The following KCNC4 variants were observed in gnomAD, a reference collection of about 807,000 sequenced individuals.
KCNC4 encodes voltage-gated potassium channel KCNC4.
Under a neutral mutation model 42.8 loss-of-function variants are expected in KCNC4, and 23 were observed. The observed-to-expected ratio is 0.54, with a 90% CI of 0.39 to 0.76. The LOEUF is 0.76. Ranked by LOEUF, KCNC4 falls within the 30% of genes least tolerant of loss-of-function variation. The probability of loss-of-function intolerance (pLI) is 0.00; values close to 1 mark genes in which losing one functional copy is unlikely to be tolerated. For missense variants in KCNC4, 751 were observed against 898.2 expected (o/e 0.84, Z 2.10); for synonymous variants, 422 against 393.5 (o/e 1.07, Z -0.86).
chr1:110,263,493 C>T (rs1659488727), intron 1 of KCNC4, among the ~76,000 whole-genome samples: 1 of 152,050 alleles, frequency 6.6e-6, no homozygotes, highest in African/African-American at 2.4e-5. Flanking sequence ...TGGCATCCTT[C>T]AGCCAGAAAG....
downstream of KCNC4, among the ~76,000 whole-genome samples, chr1:110,283,693 C>T (rs1294509455): frequency 6.6e-6 from 1 of 152,194 alleles, no homozygotes; most frequent in Non-Finnish European, 1.5e-5. Context: ...GACTTGGGTA[C>T]TTCCCAGTCT....
chr1:110,260,348 C>T (rs1430198558), intron 1 of KCNC4, among the ~76,000 whole-genome samples: 1 of 152,120 alleles, frequency 6.6e-6, no homozygotes, highest in East Asian at 1.9e-4. Flanking sequence ...TGATCTTAGA[C>T]TAGATAGTGT....
At chr1:110,269,234 GAC>G (rs1659599762) in intron 1 of KCNC4, among the ~76,000 whole-genome samples, 1 of 151,944 alleles carries the variant, frequency 6.6e-6, no homozygotes, top group African/African-American at 2.4e-5. Context: ...CAAGATTTTT[GAC>G]AGACACGTCA....
exon 4 of KCNC4, chr1:110,240,500 A>G (rs553628816): frequency 6.6e-6 from 1 of 152,428 alleles, no homozygotes; most frequent in South Asian, 2.1e-4. Context: ...TGTTCATAGC[A>G]AACAAAGGAA....
chr1:110,279,944 C>G (rs148490347), intron 1 of KCNC4, among the ~76,000 whole-genome samples: 2 of 151,718 alleles, frequency 1.3e-5, no homozygotes, highest in Admixed American at 1.3e-4. Flanking sequence ...CCCGCCACTA[C>G]GCTCAGTTAA....
Position 110,210,458 on chromosome 1 carries a change from G to C in KCNC4, c.-1042G>C, listed in dbSNP as rs986000346. 6.6e-6 allele frequency among the ~76,000 whole-genome samples: 1 copy of C among 151,452 alleles called. No homozygotes were observed. Among genetic ancestry groups the C allele is most frequent in the Non-Finnish European group, 1.5e-5 (1 of 67,786 alleles). ...GCGAGCCAAGGCCGGCGCCCCGCCC[G>C]GAGATGGGCAGACGCGTAGATGGCG... On this transcript the variant is annotated 5_prime_UTR_variant, in exon 1 of 4. Coordinates refer to ENST00000438661, the MANE Select transcript of KCNC4 (RefSeq NM_001039574.3).
intron 1 of KCNC4, 93 bp downstream of exon 1, chr1:110,212,270 C>T (rs1355839745): frequency 7.9e-7 from 1 of 1,268,988 alleles, no homozygotes; most frequent in South Asian, 2.2e-5. Context: ...GGGACCGAGC[C>T]TGACTTACCT....
At chr1:110,244,267 GAT>G (rs1164075857) in exon 4 of KCNC4, 1 of 152,420 alleles carries the variant, frequency 6.6e-6, no homozygotes, top group African/African-American at 2.4e-5. Context: ...AGCAGGCTGA[GAT>G]GGGAGGATGG....
chr1:110,213,429 C>G (rs1474810895), intron 1 of KCNC4, among the ~76,000 whole-genome samples: 5 of 152,166 alleles, frequency 3.3e-5, no homozygotes, highest in African/African-American at 1.2e-4. Context: ...CCCAGCACCC[C>G]TGTGCTGGAC....
chr1:110,245,686 T>C (rs1286317449), exon 4 of KCNC4: 1 of 152,278 alleles, frequency 6.6e-6, no homozygotes, highest in Non-Finnish European at 1.5e-5. Context: ...CAGAGTTGGC[T>C]TGACTATGGA....
At chr1:110,281,939 C>T (rs924871549) in intron 1 of KCNC4, among the ~76,000 whole-genome samples, 2 of 152,192 alleles carry the variant, frequency 1.3e-5, no homozygotes, top group African/African-American at 2.4e-5. Context: ...ATGTGTGAGC[C>T]GGGGCCTTCC....
intron 1 of KCNC4, among the ~76,000 whole-genome samples, chr1:110,282,107 C>G (rs1381712596): frequency 6.6e-6 from 1 of 152,226 alleles, no homozygotes; most frequent in Non-Finnish European, 1.5e-5. Context: ...GGTCCCACCC[C>G]CGAGTCATTC....
At position 110,211,103 on chromosome 1, in the gene KCNC4, C is replaced by T. The variant is rs1357356934; in HGVS notation, c.-397C>T. ...AGGGTGGCCCGTGTGAGCGCGAGCG[C>T]CCCGGACCTTCGCGGTGCGCGTGGA... On this transcript the variant is annotated 5_prime_UTR_variant, in exon 1 of 4. Coordinates refer to ENST00000438661, the MANE Select transcript of KCNC4 (RefSeq NM_001039574.3). This position sits in a 1 kb window ranked among gnomAD's most constrained non-coding sequence, Gnocchi z 6.5. Among the ~76,000 whole-genome samples the T allele has an allele frequency of 6.6e-6, 1 of 152,268 alleles. No individual in the cohort carries two copies. Among genetic ancestry groups the T allele is most frequent in the Admixed American group, 6.5e-5 (1 of 15,292 alleles).
chr1:110,264,279 A>C (rs559414286), intron 1 of KCNC4, among the ~76,000 whole-genome samples: 1 of 152,342 alleles, frequency 6.6e-6, no homozygotes, highest in South Asian at 2.1e-4. Context: ...CTAAAAAGGC[A>C]AGACATCTCA....
At chr1:110,229,990 C>T (rs184661724) in intron 3 of KCNC4, among the ~76,000 whole-genome samples, 25 of 152,292 alleles carry the variant, frequency 1.6e-4, no homozygotes, top group African/African-American at 5.3e-4. Context: ...AGGGCAGCGT[C>T]GGGGCTGGGC....
chr1:110,265,700 A>G (rs1273544471), intron 1 of KCNC4, among the ~76,000 whole-genome samples: 2 of 152,166 alleles, frequency 1.3e-5, no homozygotes, highest in Non-Finnish European at 2.9e-5. Context: ...CCCGAAGAGG[A>G]ACTCAGAGCC....
chr1:110,271,468 C>G (rs528756185), intron 1 of KCNC4, among the ~76,000 whole-genome samples: 1 of 152,252 alleles, frequency 6.6e-6, no homozygotes, highest in East Asian at 1.9e-4. Flanking sequence ...TTAGAAAAAT[C>G]TAGTCTAGAA....
rs775034997 is a variant in KCNC4, at chr1:110,223,185, C to T, written c.900C>T (p.Ile300=). 3.3e-5 allele frequency: 54 copies of T among 1,614,114 alleles called. No homozygotes were observed. The East Asian group carries it at 1.0e-3, about 31-fold the overall frequency. Residue 300 remains isoleucine, a synonymous_variant, in exon 2 of 4, where the codon ATC becomes ATT. Coordinates refer to ENST00000438661, the MANE Select transcript of KCNC4 (RefSeq NM_001039574.3). This position sits in a 1 kb window ranked among gnomAD's most constrained non-coding sequence, Gnocchi z 7.5. ...TCACACTGGAGTTCCTGGTGCGCAT[C>T]GTGTGCTGCCCCGACACGCTGGACT... ...LWFTLEFLVR[I]VCCPDTLDFV...
At chr1:110,261,212 T>C (rs1263371931) in intron 1 of KCNC4, among the ~76,000 whole-genome samples, 1 of 152,244 alleles carries the variant, frequency 6.6e-6, no homozygotes, top group African/African-American at 2.4e-5. Flanking sequence ...CCTTTAGTGT[T>C]CTTAGTAATT....
Sources: gnomAD v4.1 joint callset for allele counts (sites outside exome capture counted in the v4.1 genomes callset) on GRCh38, gnomAD v4.1.1 for gene constraint, Gnocchi (gnomAD v3.1) non-coding constraint, MANE v1.5 for transcripts, NCBI Gene and HGNC (gene_info 2026-07-23, HGNC 2026-07-21) for gene names.